The following EHBP1 variants were observed in gnomAD, a reference collection of about 807,000 sequenced individuals.
EHBP1 encodes EH domain binding protein 1.
EHBP1 carries 55 observed loss-of-function variants against 144.0 expected under a neutral mutation model. The observed-to-expected ratio is 0.38, with a 90% CI of 0.31 to 0.48. The LOEUF (loss-of-function observed/expected upper bound fraction) is 0.48, where lower values mean the gene tolerates loss of function less well. Ranked by LOEUF, EHBP1 falls within the 20% of genes least tolerant of loss-of-function variation. The pLI is 0.98. For missense variants in EHBP1, 1,200 were observed against 1,364.2 expected (o/e 0.88, Z 1.90); for synonymous variants, 469 against 472.7 (o/e 0.99, Z 0.10).
intron 10 of EHBP1, among the ~76,000 whole-genome samples, chr2:62,902,753 G>A (rs993836285): frequency 6.6e-6 from 1 of 152,134 alleles, no homozygotes; most frequent in African/African-American, 2.4e-5. Flanking sequence ...TGAGACCATA[G>A]TTAATTTCTG....
Position 62,942,891 on chromosome 2 carries a change from T to G in EHBP1, c.1359T>G (p.Asp453Glu), listed in dbSNP as rs773289599. 2 of 1,587,458 alleles carry G rather than the reference T, an allele frequency of 1.3e-6. No homozygotes were observed. The highest frequency in any genetic ancestry group is 2.7e-5 in the African/African-American group (2 of 74,186). ...FCAILHHFRP[D>E]LIDYKSLNPQ... is the part of the protein sequence containing the mutation. ...CAATATTACACCACTTTAGACCAGA[T>G]TTAATGTAAGTAGAAACATTTTCCA... The change falls in exon 11 of 23, where the codon GAT becomes GAG. Residue 453 changes from aspartate (D) to glutamate (E), a missense_variant. Physicochemically the swap from Asp to Glu is conservative, Grantham distance 45 (BLOSUM62 2). Transcript: ENST00000431489.
intron 10 of EHBP1, among the ~76,000 whole-genome samples, chr2:62,878,005 C>T (rs1024645448): frequency 2.0e-5 from 3 of 151,964 alleles, no homozygotes; most frequent in Admixed American, 6.6e-5. Flanking sequence ...TCTATGAAAT[C>T]GAGGCTTGAA....
intron 1 of EHBP1, among the ~76,000 whole-genome samples, chr2:62,695,586 A>G (rs1244076908): frequency 6.6e-6 from 1 of 152,232 alleles, no homozygotes; most frequent in African/African-American, 2.4e-5. Flanking sequence ...TCAATTGGAT[A>G]TGATTTATAA....
chr2:63,017,149 C>T (rs767472170), intron 19 of EHBP1, among the ~76,000 whole-genome samples: 6 of 152,168 alleles, frequency 3.9e-5, no homozygotes, highest in Non-Finnish European at 5.9e-5. Flanking sequence ...GAGTAAAGAA[C>T]TCAACTTTAA....
intron 19 of EHBP1, among the ~76,000 whole-genome samples, chr2:63,013,207 G>A (rs1278000186): frequency 6.6e-6 from 1 of 152,178 alleles, no homozygotes; most frequent in Non-Finnish European, 1.5e-5. Flanking sequence ...TTATAACAAA[G>A]AGCAGAAAGT....
intron 19 of EHBP1, among the ~76,000 whole-genome samples, chr2:63,022,246 T>C (rs529436349): frequency 5.3e-5 from 8 of 152,260 alleles, no homozygotes; most frequent in African/African-American, 1.9e-4. Context: ...GCCATTCTAT[T>C]GTGGAGACAT....
intron 7 of EHBP1, among the ~76,000 whole-genome samples, chr2:62,843,378 C>A (rs2048058335): frequency 6.6e-6 from 1 of 151,346 alleles, no homozygotes; most frequent in South Asian, 2.1e-4. Context: ...CTGGAGGGCA[C>A]ACATAATTGA....
intron 3 of EHBP1, among the ~76,000 whole-genome samples, chr2:62,751,130 T>C (rs991347713): frequency 6.6e-6 from 1 of 152,174 alleles, no homozygotes; most frequent in African/African-American, 2.4e-5. Context: ...TTGTCATAAA[T>C]AGCTTTTATT....
chr2:62,981,238 C>A (rs2058956520), intron 15 of EHBP1, among the ~76,000 whole-genome samples: 1 of 152,090 alleles, frequency 6.6e-6, no homozygotes, highest in South Asian at 2.1e-4. Context: ...AATTTGCTGT[C>A]ATTTATCATT....
intron 3 of EHBP1, among the ~76,000 whole-genome samples, chr2:62,763,101 G>T (rs1428218370): frequency 6.6e-6 from 1 of 152,016 alleles, no homozygotes; most frequent in African/African-American, 2.4e-5. Flanking sequence ...ATTTACATGT[G>T]TGATTCCTTT....
chr2:62,832,549 T>C (rs2046900436), intron 7 of EHBP1, among the ~76,000 whole-genome samples: 1 of 151,902 alleles, frequency 6.6e-6, no homozygotes, highest in Admixed American at 6.6e-5. Flanking sequence ...GTGTGCTCAC[T>C]TCGTTTCTCT....
intron 5 of EHBP1, among the ~76,000 whole-genome samples, chr2:62,809,362 C>T (rs966797974): frequency 2.0e-5 from 3 of 151,644 alleles, no homozygotes; most frequent in Non-Finnish European, 4.4e-5. Flanking sequence ...TCCTCCTCCC[C>T]TCTCCCCCAA....
chr2:62,836,704 G>A (rs1299596203), intron 7 of EHBP1, among the ~76,000 whole-genome samples: 1 of 125,204 alleles, frequency 8.0e-6, no homozygotes, highest in Non-Finnish European at 1.7e-5. Context: ...AGAAGCCTCA[G>A]GAGCCGATGC....
intron 5 of EHBP1, among the ~76,000 whole-genome samples, chr2:62,782,734 C>T (rs1344785352): frequency 2.6e-5 from 4 of 152,140 alleles, no homozygotes; most frequent in Non-Finnish European, 4.4e-5. Context: ...TGGTCCTACC[C>T]TTGACGTGTG....
intron 10 of EHBP1, among the ~76,000 whole-genome samples, chr2:62,940,992 A>C (rs1045289310): frequency 2.0e-5 from 3 of 152,180 alleles, no homozygotes; most frequent in African/African-American, 7.2e-5. Context: ...GCTACTGATA[A>C]TTGAATCGAT....
chr2:62,847,851 A>G (rs6545971), intron 7 of EHBP1, among the ~76,000 whole-genome samples: 2 of 152,082 alleles, frequency 1.3e-5, no homozygotes, highest in Middle Eastern at 3.4e-3. Flanking sequence ...AGATTTGGAC[A>G]TATGGTTCAC....
intron 2 of EHBP1, among the ~76,000 whole-genome samples, chr2:62,746,971 A>G (rs1363934740): frequency 6.6e-6 from 1 of 152,092 alleles, no homozygotes; most frequent in Non-Finnish European, 1.5e-5. Context: ...TGTTCATGAG[A>G]TACAGAGATG....
chr2:62,874,371 T>C lies in EHBP1; in HGVS notation c.1024T>C (p.Ser342Pro), dbSNP rs756947210. 6.2e-7 allele frequency: 1 copy of C among 1,602,392 alleles called. No homozygotes were observed. Residue 342 changes from serine to proline, a missense_variant, in exon 10 of 23, where the codon TCA (serine) becomes CCA (proline). Physicochemically the swap from Ser to Pro is moderately conservative, Grantham distance 74. Transcript: ENST00000431489. ...ATCAAATCCTTTTTATGAACCTAAA[T>C]CAACTCCTCCTCCAAATAATTTGGT... The part of the protein sequence containing the change: ...DESNPFYEPK[S>P]TPPPNNLVNP...
At chr2:62,980,630 C>T (rs1336652821) in intron 15 of EHBP1, among the ~76,000 whole-genome samples, 4 of 151,996 alleles carry the variant, frequency 2.6e-5, no homozygotes, top group African/African-American at 9.7e-5. Flanking sequence ...AAAGCTTCTT[C>T]CCCACACAGC....
Sources: gnomAD v4.1 joint callset for allele counts (sites outside exome capture counted in the v4.1 genomes callset) on GRCh38, gnomAD v4.1.1 for gene constraint, MANE v1.5 for transcripts, NCBI Gene and HGNC (gene_info 2026-07-23, HGNC 2026-07-21) for gene names.